Variants in THOC2 observed in about 807,000 individuals in gnomAD.
THOC2 encodes the protein THO complex subunit 2.
THOC2 carries 10 observed loss-of-function variants against 128.4 expected under a neutral mutation model. The observed-to-expected ratio is 0.08, with a 90% CI of 0.05 to 0.13. THOC2 has a LOEUF of 0.13. Ranked by LOEUF, THOC2 falls within the 10% of genes least tolerant of loss-of-function variation. The pLI, the probability that THOC2 is intolerant of heterozygous loss-of-function variation, is 1.00. For missense variants in THOC2, 535 were observed against 1,155.7 expected (o/e 0.46, Z 7.79); for synonymous variants, 393 against 396.9 (o/e 0.99, Z 0.12).
Position 123,623,303 on chromosome X carries a change from T to A in THOC2, c.3504-20A>T, listed in dbSNP as rs2047151466. ...GAGTAGCTGAAAGTCGCACAAAGTGTTTAAATATACAAACACAAATCAAAA... is the reference window on the plus strand; with the variant it reads ...GAGTAGCTGAAAGTCGCACAAAGTGATTAAATATACAAACACAAATCAAAA... On this transcript the variant is annotated intron_variant, in intron 28 of 38. Transcript: ENST00000245838. The A allele has an allele frequency of 2.6e-6, 3 of 1,151,366 alleles. No homozygotes were observed. The East Asian group carries it at 9.1e-5, about 35-fold the overall frequency. 94.9% of individuals were successfully genotyped at this position (1,151,366 alleles called of 1,213,427 possible). A position where few individuals can be genotyped will look rare whatever the true frequency, so the allele number is the denominator to read the frequency against.
chrX:123,630,837 A>G (rs1039975900), intron 22 of THOC2, among the ~76,000 whole-genome samples: 12 of 111,356 alleles, frequency 1.1e-4, no homozygotes, highest in African/African-American at 3.6e-4. Context: ...TTGCTGGGAA[A>G]CACCTTTTCC....
intron 12 of THOC2, among the ~76,000 whole-genome samples, chrX:123,646,704 TA>T (rs1219539448): frequency 8.9e-6 from 1 of 111,958 alleles, no homozygotes; most frequent in Non-Finnish European, 1.9e-5. Flanking sequence ...TTCACAGAAA[TA>T]ATTTATTAAG....
chrX:123,633,216 A>G (rs1359949981), intron 20 of THOC2, among the ~76,000 whole-genome samples, 176 bp from the exon 21 acceptor site: 1 of 111,933 alleles, frequency 8.9e-6, no homozygotes, highest in Non-Finnish European at 1.9e-5. Flanking sequence ...TCACTGGCTT[A>G]AAGACAAATG....
chrX:123,699,788 A>G (rs2050615471), intron 4 of THOC2, among the ~76,000 whole-genome samples: 1 of 112,123 alleles, frequency 8.9e-6, no homozygotes, highest in South Asian at 3.7e-4. Context: ...TTAGCTCATT[A>G]ATCTTAATTC....
chrX:123,673,342 A>G (rs2049358240), intron 8 of THOC2, among the ~76,000 whole-genome samples: 2 of 112,274 alleles, frequency 1.8e-5, no homozygotes, highest in South Asian at 7.4e-4. Flanking sequence ...CCATCTCAAA[A>G]TAATTTTAAA....
intron 8 of THOC2, among the ~76,000 whole-genome samples, chrX:123,679,620 C>T (rs754695039): frequency 6.3e-5 from 7 of 111,849 alleles, no homozygotes; most frequent in South Asian, 7.5e-4. Flanking sequence ...ACACCAGGTC[C>T]GTATATCCAA....
chrX:123,720,900 G>C (rs2051663936), intron 1 of THOC2, among the ~76,000 whole-genome samples: 1 of 111,263 alleles, frequency 9.0e-6, no homozygotes, highest in Non-Finnish European at 1.9e-5. Context: ...GGTTGTCAGA[G>C]GCTGCAGGAA....
At chrX:123,631,885 T>G in intron 21 of THOC2, 33 bp from the exon 22 acceptor site, 1 of 1,134,455 alleles carries the variant, frequency 8.8e-7, no homozygotes, top group Non-Finnish European at 1.2e-6. Flanking sequence ...AATCAACATA[T>G]TTTCCAAAGT....
Position 123,621,328 on chromosome X carries a change from C to T in THOC2, c.4045G>A (p.Ala1349Thr), listed in dbSNP as rs143837850. The T allele has an allele frequency of 6.0e-5, 72 of 1,208,409 alleles. 1 individual carries two copies. The East Asian group carries it at 2.0e-3, about 34-fold the overall frequency. Residue 1349 changes from alanine (A) to threonine (T), a missense_variant, in exon 31 of 39, where the codon GCA (alanine) becomes ACA (threonine). Coordinates refer to ENST00000245838, the MANE Select transcript of THOC2 (RefSeq NM_001081550.2). ...CTTTCTTGAGTTGATTTTGATTCTG[C>T]GTTGGGGACAGTGGTCTTAAATTTC... ...DEKFKTTVPN[A>T]ESKSTQERER...
intron 8 of THOC2, among the ~76,000 whole-genome samples, chrX:123,678,365 A>G (rs1324523544): frequency 1.9e-5 from 2 of 106,214 alleles, no homozygotes; most frequent in Non-Finnish European, 3.9e-5. Flanking sequence ...TCTCGCGTTC[A>G]AGTGATTCTC....
At chrX:123,671,521 C>CTTT in intron 9 of THOC2, 148 bp downstream of exon 9, 1 of 324,007 alleles carries the variant, frequency 3.1e-6, no homozygotes, top group Non-Finnish European at 5.6e-6. Context: ...ATAAAGTAAA[C>CTTT]ACAAATCAAC....
At chrX:123,679,440 C>T (rs2049655041) in intron 8 of THOC2, among the ~76,000 whole-genome samples, 1 of 111,393 alleles carries the variant, frequency 9.0e-6, no homozygotes. Flanking sequence ...GGTTCCTCGT[C>T]TTCTCCTAGA....
intron 23 of THOC2, 61 bp from the exon 24 acceptor site, chrX:123,626,723 T>A: frequency 9.4e-7 from 1 of 1,066,144 alleles, no homozygotes; most frequent in African/African-American, 1.9e-5. Flanking sequence ...CTTCTTTTAA[T>A]TGAAAAGTTT....
chrX:123,694,724 C>T (rs1048008011), intron 7 of THOC2, among the ~76,000 whole-genome samples: 32 of 111,894 alleles, frequency 2.9e-4, no homozygotes, highest in African/African-American at 1.0e-3. Context: ...GTCCCACAGC[C>T]CTAGGGGGCC....
At chrX:123,604,702 T>C (rs2046404079) in intron 38 of THOC2, among the ~76,000 whole-genome samples, 1 of 111,977 alleles carries the variant, frequency 8.9e-6, no homozygotes, top group Non-Finnish European at 1.9e-5. Flanking sequence ...AGAAATGTTT[T>C]AGTAGTTTAT....
At chrX:123,602,761 A>G (rs1481258511) in intron 38 of THOC2, 1 of 111,468 alleles carries the variant, frequency 9.0e-6, no homozygotes, top group Non-Finnish European at 1.9e-5. Context: ...TAATCCCAAC[A>G]CTTTGGGAGG....
chrX:123,613,347 G>A, intron 36 of THOC2, 52 bp downstream of exon 36: 1 of 1,121,102 alleles, frequency 8.9e-7, no homozygotes, highest in Non-Finnish European at 1.2e-6. Flanking sequence ...TAAATTTTCA[G>A]GATTGATTTT....
chrX:123,635,780 A>C, intron 19 of THOC2, among the ~76,000 whole-genome samples: 1 of 112,159 alleles, frequency 8.9e-6, no homozygotes, highest in Non-Finnish European at 1.9e-5. Context: ...ACGAAGATAT[A>C]CAATGTATCA....
intron 1 of THOC2, among the ~76,000 whole-genome samples, chrX:123,732,516 A>G (rs1163564990): frequency 3.6e-5 from 4 of 112,181 alleles, no homozygotes; most frequent in Non-Finnish European, 5.6e-5. Flanking sequence ...AGGAGGCGCC[A>G]AGCTCCAAAC....
Sources: allele counts gnomAD v4.1 joint callset (sites outside exome capture counted in the v4.1 genomes callset), GRCh38; gene constraint gnomAD v4.1.1; transcripts MANE v1.5; gene names NCBI Gene and HGNC (gene_info 2026-07-23, HGNC 2026-07-21).